Variants in CUZD1 observed in about 807,000 individuals in gnomAD.
The protein encoded by CUZD1 is CUB and zona pellucida like domains 1.
A neutral mutation model predicts 53.1 loss-of-function variants in CUZD1; 42 were observed. The observed-to-expected ratio is 0.79, with a 90% CI of 0.62 to 1.02. The LOEUF (loss-of-function observed/expected upper bound fraction) is 1.02, where lower values mean the gene tolerates loss of function less well. Among genes scored for constraint, CUZD1 ranks in the 50% least tolerant of loss-of-function variants. The pLI is 0.00. For synonymous variants in CUZD1, 238 were observed against 257.2 expected (o/e 0.93, Z 0.71); for missense variants, 670 against 715.7 (o/e 0.94, Z 0.73).
rs924999044 is a variant in CUZD1 at position 122,838,889 on chromosome 10, T to A, written c.448+128A>T. The A allele has an allele frequency of 4.4e-6, 3 of 688,598 alleles. No homozygotes were observed. The African/African-American group carries it at 5.4e-5, about 12-fold the overall frequency. 42.7% of individuals were successfully genotyped at this position (688,598 alleles called of 1,614,324 possible). ...ATGCACATGTAAGTTAGAGAACTAC[T>A]GCTCTCTCAGATAGAGAAGACTCTG... On this transcript the variant is annotated intron_variant, in intron 3 of 8. Transcript: ENST00000392790.
At chr10:122,842,623 A>G (rs989919197) in intron 1 of CUZD1, among the ~76,000 whole-genome samples, 1 of 152,184 alleles carries the variant, frequency 6.6e-6, no homozygotes, top group African/African-American at 2.4e-5. Flanking sequence ...TTTTAGAGTC[A>G]GCATGTCTGT....
At position 122,836,325 on chromosome 10, in the gene CUZD1, C is replaced by G; in HGVS notation, c.843G>C (p.Arg281Ser). 6.3e-7 allele frequency: 1 copy of G among 1,582,384 alleles called. No individual in the cohort carries two copies. The highest frequency in any genetic ancestry group is 8.5e-7 in the Non-Finnish European group (1 of 1,170,094). The change falls in exon 6 of 9, where the codon AGG becomes AGC. Residue 281 changes from arginine to serine, a missense_variant. Transcript: ENST00000392790. ...AGGATTTGCTTATAATAACTCTCAT[C>G]CTGTCAGAAGAGCAAGTTAAAGATG... Reference protein sequence around the residue: ...NTTSLTCSSDRMRVIISKSYL... With the variant: ...NTTSLTCSSDSMRVIISKSYL...
intron 8 of CUZD1, among the ~76,000 whole-genome samples, chr10:122,833,469 G>A (rs1184782732): frequency 1.3e-5 from 2 of 152,120 alleles, no homozygotes; most frequent in African/African-American, 4.8e-5. Context: ...AACTATCAGT[G>A]TATCATCTGC....
Position 122,834,722 on chromosome 10 carries a change from C to A in CUZD1, c.1366G>T (p.Asp456Tyr). 6.2e-7 allele frequency: 1 copy of A among 1,606,330 alleles called. No individual in the cohort carries two copies. Among genetic ancestry groups the A allele is most frequent in the South Asian group, 1.1e-5 (1 of 89,842 alleles). ...AATACATACCCACTCTTGATTAGGT[C>A]GTAGGTTGGAGATGCAAAGTCAGAG... ...PTSDFASPTYDLIKSGCSRDE... is the reference protein window; with the variant it reads ...PTSDFASPTYYLIKSGCSRDE... Residue 456 changes from aspartate (D) to tyrosine (Y), a missense_variant, in exon 7 of 9, where the codon GAC (aspartate) becomes TAC (tyrosine). Physicochemically the swap from Asp to Tyr is radical, Grantham distance 160 (BLOSUM62 -3). Transcript: ENST00000392790.
chr10:122,837,360 G>C, intron 4 of CUZD1, 44 bp downstream of exon 4: 1 of 1,605,410 alleles, frequency 6.2e-7, no homozygotes, highest in South Asian at 1.1e-5. Context: ...TTGCCAGGTG[G>C]GTTTACTGCA....
intron 7 of CUZD1, 152 bp from the exon 8 acceptor site, chr10:122,834,092 C>CCTG: frequency 1.6e-6 from 1 of 644,550 alleles, no homozygotes. Context: ...GACTATAGAC[C>CCTG]TGATTCCTGG....
chr10:122,843,750 AGGAGAAAT>A (rs1174987951), intron 1 of CUZD1, among the ~76,000 whole-genome samples: 1 of 150,460 alleles, frequency 6.6e-6, no homozygotes, highest in Admixed American at 6.6e-5. Context: ...TGGAGACATC[AGGAGAAAT>A]GGAGAGTGAA....
chr10:122,841,775 A>G (rs1453096593), intron 1 of CUZD1, among the ~76,000 whole-genome samples: 1 of 152,150 alleles, frequency 6.6e-6, no homozygotes, highest in Non-Finnish European at 1.5e-5. Flanking sequence ...GTCAACACAC[A>G]CTATTGTCAG....
Position 122,837,769 on chromosome 10 carries a change from C to A in CUZD1, c.449-215G>T, listed in dbSNP as rs1257498681. 9.1e-6 allele frequency: 4 copies of A among 438,740 alleles called. No homozygotes were observed. In the South Asian group the frequency reaches 2.2e-4, roughly 24 times the overall value. The allele number at this position is 438,740 out of a possible 1,614,324, so 27.2% of individuals were successfully genotyped here. A position where few individuals can be genotyped will look rare whatever the true frequency, so the allele number is the denominator to read the frequency against. On this transcript the variant is annotated intron_variant, in intron 3 of 8. Transcript: ENST00000392790. ...AGGGAATCTTTATACTATTGCCAAA[C>A]GAATCATATTAAAGTTGTGCTGTAA...
In CUZD1 at chr10:122,834,726, G is replaced by C; in HGVS notation, c.1362C>G (p.Thr454=). ...ASPTSDFASP[T]YDLIKSGCSR... Reference sequence around the variant, plus strand: ...CATACCCACTCTTGATTAGGTCGTAGGTTGGAGATGCAAAGTCAGAGGTGG... The same window carrying C: ...CATACCCACTCTTGATTAGGTCGTACGTTGGAGATGCAAAGTCAGAGGTGG... The change falls in exon 7 of 9, where the codon ACC becomes ACG. Residue 454 remains threonine, a synonymous_variant. Coordinates refer to ENST00000392790, the MANE Select transcript of CUZD1 (RefSeq NM_022034.6). 1 of 1,608,492 alleles carries C rather than the reference G, an allele frequency of 6.2e-7. No individual in the cohort carries two copies. The highest frequency in any genetic ancestry group is 1.1e-5 in the South Asian group (1 of 90,266).
chr10:122,836,333 A>G lies in CUZD1; in HGVS notation c.835T>C (p.Ser279Pro). The G allele has an allele frequency of 6.4e-7, 1 of 1,565,426 alleles. No individual in the cohort carries two copies. The highest frequency in any genetic ancestry group is 8.6e-7 in the Non-Finnish European group (1 of 1,165,076). ...CTTATAATAACTCTCATCCTGTCAG[A>G]AGAGCAAGTTAAAGATGCTGTCAGG... ...NINTTSLTCS[S>P]DRMRVIISKS... Residue 279 changes from serine to proline, a missense_variant, in exon 6 of 9, where the codon TCT (serine) becomes CCT (proline). Transcript: ENST00000392790.
chr10:122,840,351 G>T (rs1053280323), intron 2 of CUZD1, among the ~76,000 whole-genome samples: 1 of 152,202 alleles, frequency 6.6e-6, no homozygotes, highest in African/African-American at 2.4e-5. Flanking sequence ...CCCAGCAGTT[G>T]TGTTTTAATA....
At chr10:122,841,628 T>TA (rs1847347209) in intron 1 of CUZD1, among the ~76,000 whole-genome samples, 1 of 152,238 alleles carries the variant, frequency 6.6e-6, no homozygotes, top group South Asian at 2.1e-4. Context: ...CATAAATACC[T>TA]AGGAGTGATA....
In CUZD1 at chr10:122,836,091, A is replaced by G. The variant is rs530967787; in HGVS notation, c.990+87T>C. 2.3e-3 allele frequency: 3,015 copies of G among 1,287,370 alleles called. 17 individuals carry two copies. Among genetic ancestry groups the G allele is most frequent in the South Asian group, 0.013 (838 of 62,622 alleles). 79.7% of individuals were successfully genotyped at this position (1,287,370 alleles called of 1,614,324 possible). A position where few individuals can be genotyped will look rare whatever the true frequency, so the allele number is the denominator to read the frequency against. ...CACTAAAATTTGGGGGTCGTTTGTTACAGCAGCTAGCAAGCATTACCCTGA... is the reference window on the plus strand; with the variant it reads ...CACTAAAATTTGGGGGTCGTTTGTTGCAGCAGCTAGCAAGCATTACCCTGA... On this transcript the variant is annotated intron_variant, in intron 6 of 8. Coordinates refer to ENST00000392790, the MANE Select transcript of CUZD1 (RefSeq NM_022034.6).
chr10:122,837,484 C>A lies in CUZD1; in HGVS notation c.519G>T (p.Pro173=). 6.2e-7 allele frequency: 1 copy of A among 1,611,810 alleles called. No individual in the cohort carries two copies. The highest frequency in any genetic ancestry group is 1.1e-5 in the South Asian group (1 of 90,464). Residue 173 remains proline (P), a synonymous_variant, in exon 4 of 9, where the codon CCG becomes CCT. Transcript: ENST00000392790. ...GSFTSPNYPK[P]HPELAYCVWH... ...ACACACAATAAGCCAGCTCAGGATG[C>A]GGCTTTGGGTAATTGGGGCTGGTGA...
chr10:122,839,076 T>G lies in CUZD1; in HGVS notation c.389A>C (p.Asp130Ala), dbSNP rs1847295810. 1 of 1,614,104 alleles carries G rather than the reference T, an allele frequency of 6.2e-7. No individual in the cohort carries two copies. The highest frequency in any genetic ancestry group is 8.5e-7 in the Non-Finnish European group (1 of 1,179,982). ...GACAGTTCTTTGAATTCTTGCTGAGTCAGTAACTATTTGAAACGTCAATGT... is the reference window on the plus strand; with the variant it reads ...GACAGTTCTTTGAATTCTTGCTGAGGCAGTAACTATTTGAAACGTCAATGT... ...SSTLTFQIVT[D>A]SARIQRTVFV... The change falls in exon 3 of 9, where the codon GAC becomes GCC. Residue 130 changes from aspartate (D) to alanine (A), a missense_variant. Asp to Ala is a moderately radical substitution (Grantham distance 126). Transcript: ENST00000392790.
Position 122,837,390 on chromosome 10 carries a change from G to A in CUZD1, c.599+14C>T, listed in dbSNP as rs1457695226. On this transcript the variant is annotated intron_variant, in intron 4 of 8. Coordinates refer to ENST00000392790, the MANE Select transcript of CUZD1 (RefSeq NM_022034.6). ...ACTGCATTTGTTCCAACAGAATTGG[G>A]CAGCAGTACTTACAAAATCTCTTTG... The A allele has an allele frequency of 6.2e-7, 1 of 1,613,700 alleles. No individual in the cohort carries two copies. Among genetic ancestry groups the A allele is most frequent in the East Asian group, 2.2e-5 (1 of 44,894 alleles).
rs562825865 is a variant in CUZD1, at chr10:122,834,710, T to G, written c.1378A>C (p.Ser460Arg). Residue 460 changes from serine (S) to arginine (R), a missense_variant, in exon 7 of 9, where the codon AGT becomes CGT. By Grantham distance (110) the Ser-to-Arg change is moderately radical. Coordinates refer to ENST00000392790, the MANE Select transcript of CUZD1 (RefSeq NM_022034.6). The stretch of plus-strand genomic sequence containing the variant: ...ATCAGTTACATTAATACATACCCAC[T>G]CTTGATTAGGTCGTAGGTTGGAGAT... ...FASPTYDLIKSGCSRDETCKV... is the reference protein window; with the variant it reads ...FASPTYDLIKRGCSRDETCKV... 9 of 1,595,716 alleles carry G rather than the reference T, an allele frequency of 5.6e-6. No individual in the cohort carries two copies. The African/African-American group carries it at 1.1e-4, about 19-fold the overall frequency.
chr10:122,837,019 T>A lies in CUZD1; in HGVS notation c.629A>T (p.Asp210Val). The A allele has an allele frequency of 6.2e-7, 1 of 1,613,340 alleles. No homozygotes were observed. The change falls in exon 5 of 9, where the codon GAT becomes GTT. Residue 210 changes from aspartate (D) to valine (V), a missense_variant. Transcript: ENST00000392790. ...FLEIDKQCKF[D>V]FLAIYDGPST... ...GGGGCCATCATAGATGGCAAGAAAATCAAATTTGCACTGTTTGTCTATTTC... is the reference window on the plus strand; with the variant it reads ...GGGGCCATCATAGATGGCAAGAAAAACAAATTTGCACTGTTTGTCTATTTC...
Sources: allele counts gnomAD v4.1 joint callset (sites outside exome capture counted in the v4.1 genomes callset), GRCh38; gene constraint gnomAD v4.1.1; transcripts MANE v1.5; gene names NCBI Gene and HGNC (gene_info 2026-07-23, HGNC 2026-07-21).